POLR3B: variants seen among roughly 807,000 people sequenced by gnomAD.
POLR3B encodes RNA polymerase III subunit B.
In POLR3B, 96 loss-of-function variants were observed where a neutral mutation model predicts 147.4. The observed-to-expected ratio is 0.65, with a 90% CI of 0.55 to 0.77. The LOEUF is 0.77. Ranked by LOEUF, POLR3B falls within the 30% of genes least tolerant of loss-of-function variation. The pLI is 0.00. For missense variants in POLR3B, 1,036 were observed against 1,413.5 expected (o/e 0.73, Z 4.28); for synonymous variants, 461 against 485.9 (o/e 0.95, Z 0.67).
chr12:106,490,960 G>A (rs2038400012), intron 23 of POLR3B, among the ~76,000 whole-genome samples: 1 of 152,176 alleles, frequency 6.6e-6, no homozygotes, highest in Non-Finnish European at 1.5e-5. Context: ...TCTTGATGAT[G>A]TTAAATGACC....
chr12:106,471,451 C>A (rs538918980), intron 23 of POLR3B, among the ~76,000 whole-genome samples: 1 of 152,258 alleles, frequency 6.6e-6, no homozygotes, highest in East Asian at 1.9e-4. Context: ...CCTGCTTCAG[C>A]TTGCCTTCCG....
chr12:106,428,372 C>T (rs1217887516), intron 13 of POLR3B, among the ~76,000 whole-genome samples: 1 of 152,162 alleles, frequency 6.6e-6, no homozygotes, highest in African/African-American at 2.4e-5. Context: ...AAATCAGTAG[C>T]AGGCCTAGTT....
chr12:106,363,013 AC>A, intron 1 of POLR3B, among the ~76,000 whole-genome samples: 1 of 151,836 alleles, frequency 6.6e-6, no homozygotes, highest in African/African-American at 2.4e-5. Flanking sequence ...TTTTGACTAT[AC>A]CCAGGGGTCT....
chr12:106,443,777 T>A (rs990768607), intron 18 of POLR3B, among the ~76,000 whole-genome samples: 24 of 152,270 alleles, frequency 1.6e-4, no homozygotes, highest in African/African-American at 5.3e-4. Flanking sequence ...TGCCTCGGCC[T>A]CCCAAACTGC....
rs539671972 is a variant in POLR3B, at chr12:106,466,447, C to A, written c.2713+2827C>A. Among the ~76,000 whole-genome samples the A allele has an allele frequency of 2.9e-3, 444 of 152,252 alleles. 1 individual carries two copies. The highest frequency in any genetic ancestry group is 9.1e-3 in the African/African-American group (380 of 41,542). On this transcript the variant is annotated intron_variant, in intron 23 of 27. Transcript: ENST00000228347. ...TAGTTTCTTTTGCTGTACAGAAGCT[C>A]TTTAGTTTAATTAGATCCCATTTGT...
At chr12:106,472,173 C>G (rs1364853469) in intron 23 of POLR3B, among the ~76,000 whole-genome samples, 1 of 131,632 alleles carries the variant, frequency 7.6e-6, no homozygotes. Context: ...TCATCCATGT[C>G]CCTACAAAGG....
intron 16 of POLR3B, among the ~76,000 whole-genome samples, chr12:106,436,511 CTCAGTGATGTTTAGACTAAA>C (rs2037578784): frequency 1.3e-5 from 2 of 152,212 alleles, no homozygotes; most frequent in Non-Finnish European, 2.9e-5. Context: ...GCTAACCTAG[CTCAGTGATGTTTAGACTAAA>C]TCAAACTACT....
Position 106,433,789 on chromosome 12 carries a change from A to G in POLR3B, c.1698A>G (p.Gly566=), listed in dbSNP as rs1334122424. 1 of 1,613,118 alleles carries G rather than the reference A, an allele frequency of 6.2e-7. No individual in the cohort carries two copies. The highest frequency in any genetic ancestry group is 1.1e-5 in the South Asian group (1 of 91,060). Residue 566 remains glycine, a synonymous_variant, in exon 16 of 28, where the codon GGA becomes GGG. Transcript: ENST00000228347. ...CATTTCGACTCATGAGAAGAGCAGG[A>G]TATATCAATGAATTTGTTTCCATCT... The part of the protein sequence containing the change: ...VNTFRLMRRA[G]YINEFVSIST...
rs34402190 is a variant in POLR3B at position 106,393,767 on chromosome 12, T to TACACAC, written c.846+647_846+652dup. Among the ~76,000 whole-genome samples the TACACAC allele has an allele frequency of 2.9e-3, 370 of 128,014 alleles. 2 individuals are homozygous for TACACAC. The highest frequency in any genetic ancestry group is 4.0e-3 in the Middle Eastern group (1 of 252). 84.0% of individuals were successfully genotyped at this position (128,014 alleles called of 152,430 possible). Reference sequence around the variant, plus strand: ...AGACTCAAAGATGAAGACTGAGAAATACACACACACACACACACACACACA... The same window carrying TACACAC: ...AGACTCAAAGATGAAGACTGAGAAATACACACACACACACACACACACACACACACA... On this transcript the variant is annotated intron_variant, in intron 10 of 27. Transcript: ENST00000228347.
At chr12:106,378,056 C>A (rs934340543) in intron 7 of POLR3B, among the ~76,000 whole-genome samples, 2 of 151,928 alleles carry the variant, frequency 1.3e-5, no homozygotes, top group African/African-American at 4.8e-5. Flanking sequence ...CCACTGCACT[C>A]CAGCCTCGGC....
chr12:106,369,793 C>T (rs113269797), intron 6 of POLR3B, 110 bp downstream of exon 6: 1 of 735,060 alleles, frequency 1.4e-6, no homozygotes, highest in Non-Finnish European at 2.4e-6. Flanking sequence ...TTCATAGGTC[C>T]AATGAGTCAG....
At chr12:106,435,394 C>T (rs2037564300) in intron 16 of POLR3B, among the ~76,000 whole-genome samples, 1 of 152,152 alleles carries the variant, frequency 6.6e-6, no homozygotes. Context: ...ATCCACCCAC[C>T]TCAGCCTCCC....
At chr12:106,412,421 C>A (rs544650999) in intron 12 of POLR3B, among the ~76,000 whole-genome samples, 5 of 152,238 alleles carry the variant, frequency 3.3e-5, no homozygotes, top group African/African-American at 1.2e-4. Context: ...TCTTTTGGTT[C>A]TTCAATCCAG....
At chr12:106,380,411 C>CAAAA (rs147457953) in intron 9 of POLR3B, among the ~76,000 whole-genome samples, 1 of 98,988 alleles carries the variant, frequency 1.0e-5, no homozygotes. Context: ...CCATCTCTAC[C>CAAAA]AAAAAAAAAA....
chr12:106,491,652 G>A (rs2038409141), intron 23 of POLR3B, among the ~76,000 whole-genome samples: 1 of 152,210 alleles, frequency 6.6e-6, no homozygotes, highest in Admixed American at 6.5e-5. Flanking sequence ...CATCCTGCCA[G>A]ATGTGCTCCA....
At position 106,457,232 on chromosome 12, in the gene POLR3B, T is replaced by A; in HGVS notation, c.2388T>A (p.Asp796Glu). The A allele has an allele frequency of 6.2e-7, 1 of 1,613,590 alleles. No homozygotes were observed. Among genetic ancestry groups the A allele is most frequent in the Non-Finnish European group, 8.5e-7 (1 of 1,179,496 alleles). The change falls in exon 21 of 28, where the codon GAT becomes GAA. Residue 796 changes from aspartate (D) to glutamate (E), a missense_variant. Asp to Glu is a conservative substitution (Grantham distance 45, BLOSUM62 2). Around this residue, in one of 12 missense-constraint regions of POLR3B, gnomAD observed 202 missense variants for 272.8 expected, o/e 0.74. Transcript: ENST00000228347. ...ATAAAGTGATGGGGCCCATGTTGGA[T>A]GCTGCTACAAGGAAACCTATCTGGC... The part of the protein sequence containing the change: ...TFDKVMGPML[D>E]AATRKPIWRH...
At chr12:106,400,870 G>A (rs1352662521) in intron 10 of POLR3B, among the ~76,000 whole-genome samples, 2 of 152,180 alleles carry the variant, frequency 1.3e-5, no homozygotes, top group Admixed American at 1.3e-4. Context: ...ACTAGAGAAA[G>A]CAGGAAAGAT....
At chr12:106,448,959 C>G (rs2037761856) in intron 19 of POLR3B, among the ~76,000 whole-genome samples, 1 of 152,046 alleles carries the variant, frequency 6.6e-6, no homozygotes, top group African/African-American at 2.4e-5. Context: ...ATCAGGCTGC[C>G]TTTTCTGGTA....
chr12:106,464,151 G>A (rs2037975426), intron 23 of POLR3B, among the ~76,000 whole-genome samples: 1 of 152,128 alleles, frequency 6.6e-6, no homozygotes, highest in South Asian at 2.1e-4. Context: ...CCCCAGGGCG[G>A]TGCTTTGTGT....
Sources: gnomAD v4.1 joint callset for allele counts (sites outside exome capture counted in the v4.1 genomes callset) on GRCh38, gnomAD v4.1.1 for gene constraint, gnomAD v4.1.1 regional missense constraint, MANE v1.5 for transcripts, NCBI Gene and HGNC (gene_info 2026-07-23, HGNC 2026-07-21) for gene names.